The following TRAF3 variants were observed in gnomAD, a reference collection of about 807,000 sequenced individuals.
TRAF3 encodes TNF receptor-associated factor 3.
In TRAF3, 13 loss-of-function variants were observed where a neutral mutation model predicts 62.3. That is an observed-to-expected ratio of 0.21 (90% CI 0.14 to 0.33). The LOEUF is 0.33. Ranked by LOEUF, TRAF3 falls within the 10% of genes least tolerant of loss-of-function variation. TRAF3 has a pLI of 1.00. For missense variants in TRAF3, 440 were observed against 741.8 expected (o/e 0.59, Z 4.73); for synonymous variants, 269 against 283.4 (o/e 0.95, Z 0.51).
intron 1 of TRAF3, among the ~76,000 whole-genome samples, chr14:102,795,086 A>G (rs548647925): frequency 6.6e-6 from 1 of 152,300 alleles, no homozygotes; most frequent in South Asian, 2.1e-4. Flanking sequence ...ACTCTAGATC[A>G]TTCTAGTAAA....
rs553345161 is a variant in TRAF3 at position 102,844,226 on chromosome 14, C to G, written c.-18+13754C>G. ...CCTGTTTCTGAGTATGTGATTGTATCAATGAGGGCTCTTTCTGATGTAAAT... is the reference window on the plus strand; with the variant it reads ...CCTGTTTCTGAGTATGTGATTGTATGAATGAGGGCTCTTTCTGATGTAAAT... On this transcript the variant is annotated intron_variant, in intron 2 of 11. Coordinates refer to ENST00000392745, the MANE Select transcript of TRAF3 (RefSeq NM_145725.3). Among the ~76,000 whole-genome samples, 4 of 152,292 alleles carry G rather than the reference C, an allele frequency of 2.6e-5. No individual in the cohort carries two copies. In the South Asian group the frequency reaches 8.3e-4, roughly 32 times the overall value.
chr14:102,887,680 T>C (rs933364206), intron 7 of TRAF3, among the ~76,000 whole-genome samples: 17 of 152,128 alleles, frequency 1.1e-4, no homozygotes, highest in Non-Finnish European at 2.1e-4. Context: ...GTGCATGCTC[T>C]GCCTCCTGGG....
At chr14:102,792,809 C>T (rs2098882766) in intron 1 of TRAF3, among the ~76,000 whole-genome samples, 1 of 151,344 alleles carries the variant, frequency 6.6e-6, no homozygotes, top group Non-Finnish European at 1.5e-5. Flanking sequence ...ATTTTTGTGT[C>T]TATGTTCATT....
At chr14:102,844,128 T>C (rs1200368069) in intron 2 of TRAF3, among the ~76,000 whole-genome samples, 1 of 152,248 alleles carries the variant, frequency 6.6e-6, no homozygotes, top group Non-Finnish European at 1.5e-5. Context: ...GCTGGGAATG[T>C]GTGTAAACAC....
At chr14:102,859,156 C>G (rs1337806359) in intron 2 of TRAF3, among the ~76,000 whole-genome samples, 1 of 150,808 alleles carries the variant, frequency 6.6e-6, no homozygotes, top group Non-Finnish European at 1.5e-5. Context: ...CAGCTTTATC[C>G]TAACTTAAAA....
chr14:102,880,003 C>T (rs1347198829), intron 6 of TRAF3, among the ~76,000 whole-genome samples: 3 of 152,066 alleles, frequency 2.0e-5, no homozygotes, highest in African/African-American at 7.2e-5. Context: ...GTAGTTCTAG[C>T]TACTAGGGAG....
intron 1 of TRAF3, among the ~76,000 whole-genome samples, chr14:102,779,812 C>G (rs1237299473): frequency 6.6e-6 from 1 of 152,224 alleles, no homozygotes; most frequent in Admixed American, 6.5e-5. Flanking sequence ...ATTTTCTCAT[C>G]TTCATATAGC....
intron 2 of TRAF3, among the ~76,000 whole-genome samples, chr14:102,860,356 A>C (rs1244472437): frequency 1.3e-5 from 2 of 152,244 alleles, no homozygotes; most frequent in Non-Finnish European, 2.9e-5. Context: ...ACTTTTAATA[A>C]TTCTCGGGGT....
intron 1 of TRAF3, among the ~76,000 whole-genome samples, chr14:102,787,038 A>C (rs1199263481): frequency 6.6e-6 from 1 of 152,120 alleles, no homozygotes; most frequent in African/African-American, 2.4e-5. Flanking sequence ...ATGTGAGAGA[A>C]TATAAGAACC....
rs949376766 is a variant in TRAF3 at position 102,908,531 on chromosome 14, CT to C, written c.*2748del. 1 of 152,352 alleles carries C rather than the reference CT, an allele frequency of 6.6e-6. No homozygotes were observed. Among genetic ancestry groups the C allele is most frequent in the African/African-American group, 2.4e-5 (1 of 41,450 alleles). 9.4% of individuals were successfully genotyped at this position (152,352 alleles called of 1,614,324 possible). A position where few individuals can be genotyped will look rare whatever the true frequency, so the allele number is the denominator to read the frequency against. ...CTTGGCGCTGGCCACCTGGGCCAGC[CT>C]GGGGCCATGGTCTCTCTGCAGCTGA... On this transcript the variant is annotated 3_prime_UTR_variant, in exon 12 of 12. Transcript: ENST00000392745.
Position 102,820,573 on chromosome 14 carries a change from CATATATATATATATATATATATATAT to C in TRAF3, c.-156-9744_-156-9719del, listed in dbSNP as rs1292113936. Among the ~76,000 whole-genome samples, 13 of 23,602 alleles carry C rather than the reference CATATATATATATATATATATATATAT, an allele frequency of 5.5e-4. 1 individual carries two copies. In the East Asian group the frequency reaches 0.01, roughly 19 times the overall value. The allele number at this position is 23,602 out of a possible 152,430, so 15.5% of individuals were successfully genotyped here. A position where few individuals can be genotyped will look rare whatever the true frequency, so the allele number is the denominator to read the frequency against. ...TATTTGCTTTCTGAAATGGGACCAG[CATATATATATATATATATATATATAT>C]ATATATATATATATATTTTTTTTTT... On this transcript the variant is annotated intron_variant, in intron 1 of 11. Coordinates refer to ENST00000392745, the MANE Select transcript of TRAF3 (RefSeq NM_145725.3).
intron 7 of TRAF3, among the ~76,000 whole-genome samples, chr14:102,887,618 G>A (rs535411335): frequency 4.6e-5 from 7 of 151,070 alleles, no homozygotes; most frequent in African/African-American, 7.3e-5. Context: ...TTTTTGAGAC[G>A]GAGTCTCGCT....
At chr14:102,832,904 T>C (rs545459267) in intron 2 of TRAF3, among the ~76,000 whole-genome samples, 14 of 152,346 alleles carry the variant, frequency 9.2e-5, no homozygotes, top group African/African-American at 2.6e-4. Context: ...TGATTTTTCT[T>C]ACTGCATTTA....
chr14:102,847,646 C>T (rs985857540), intron 2 of TRAF3, among the ~76,000 whole-genome samples: 2 of 152,142 alleles, frequency 1.3e-5, no homozygotes, highest in African/African-American at 4.8e-5. Context: ...CCATATATCT[C>T]CTTAAAACAT....
chr14:102,868,067 A>G (rs1004581396), intron 2 of TRAF3, among the ~76,000 whole-genome samples: 3 of 152,212 alleles, frequency 2.0e-5, no homozygotes, highest in Admixed American at 1.3e-4. Flanking sequence ...CCACCCAGCA[A>G]CTACCTCCCC....
chr14:102,843,577 A>G (rs1342427335), intron 2 of TRAF3, among the ~76,000 whole-genome samples: 4 of 152,178 alleles, frequency 2.6e-5, no homozygotes, highest in Non-Finnish European at 4.4e-5. Context: ...ATTTCAAGCA[A>G]TCCACCCATC....
At position 102,791,566 on chromosome 14, in the gene TRAF3, C is replaced by T. The variant is rs545320219; in HGVS notation, c.-157+13891C>T. Among the ~76,000 whole-genome samples the T allele has an allele frequency of 2.9e-3, 441 of 152,192 alleles. 2 individuals carry two copies. Among genetic ancestry groups the T allele is most frequent in the African/African-American group, 8.7e-3 (363 of 41,526 alleles). ...CCTACAACCTTGTTGAATTTATTACCTCTAGTAGTTATTTTGTGGGTTCTG... is the reference window on the plus strand; with the variant it reads ...CCTACAACCTTGTTGAATTTATTACTTCTAGTAGTTATTTTGTGGGTTCTG... On this transcript the variant is annotated intron_variant, in intron 1 of 11. Coordinates refer to ENST00000392745, the MANE Select transcript of TRAF3 (RefSeq NM_145725.3).
In TRAF3 at chr14:102,800,906, C is replaced by A. The variant is rs374451984; in HGVS notation, c.-157+23231C>A. Among the ~76,000 whole-genome samples, 29 of 152,086 alleles carry A rather than the reference C, an allele frequency of 1.9e-4. No individual in the cohort carries two copies. In the East Asian group the frequency reaches 4.9e-3, roughly 25 times the overall value. ...GTAAAGAAAGGGTTCTGGCCGGGCG[C>A]GGTGGCTCACACCTGTAATCCCAGC... is the stretch of plus-strand genomic sequence containing the variant. On this transcript the variant is annotated intron_variant, in intron 1 of 11. Coordinates refer to ENST00000392745, the MANE Select transcript of TRAF3 (RefSeq NM_145725.3).
chr14:102,862,471 C>T (rs1281137573), intron 2 of TRAF3, among the ~76,000 whole-genome samples: 7 of 150,446 alleles, frequency 4.7e-5, no homozygotes, highest in East Asian at 1.9e-4. Context: ...TGTCACCTTT[C>T]GGCCTCCATG....
Sources: allele counts gnomAD v4.1 joint callset (sites outside exome capture counted in the v4.1 genomes callset), GRCh38; gene constraint gnomAD v4.1.1; transcripts MANE v1.5; gene names NCBI Gene and HGNC (gene_info 2026-07-23, HGNC 2026-07-21).